The following TYW1B variants were observed in gnomAD, a reference collection of about 807,000 sequenced individuals.
The protein encoded by TYW1B is S-adenosyl-L-methionine-dependent tRNA 4-demethylwyosine synthase TYW1B.
A neutral mutation model predicts 86.9 loss-of-function variants in TYW1B; 73 were observed. The ratio of observed to expected loss-of-function variants is 0.84; its 90% confidence interval spans 0.70 to 1.02. The LOEUF is 1.02. Ranked by LOEUF, TYW1B falls within the 50% of genes least tolerant of loss-of-function variation. The pLI is 0.00. For synonymous variants in TYW1B, 248 were observed against 292.8 expected (o/e 0.85, Z 1.56); for missense variants, 637 against 827.4 (o/e 0.77, Z 2.82).
At chr7:72,771,934 C>T (rs1787875469) in intron 7 of TYW1B, among the ~76,000 whole-genome samples, 1 of 151,718 alleles carries the variant, frequency 6.6e-6, no homozygotes, top group Admixed American at 6.6e-5. Flanking sequence ...GCAACCTCTG[C>T]CTCCCGGGTT....
Position 72,810,736 on chromosome 7 carries a change from A to C in TYW1B, c.238-71T>G, listed in dbSNP as rs1449616032. ...TTATCTCAACGAAGAAAATCCTTTGAAAAAAAGCATACTCATCTCAAAGAA... is the reference window on the plus strand; with the variant it reads ...TTATCTCAACGAAGAAAATCCTTTGCAAAAAAGCATACTCATCTCAAAGAA... On this transcript the variant is annotated intron_variant, in intron 3 of 13. Transcript: ENST00000620995. The C allele has an allele frequency of 5.3e-6, 8 of 1,511,148 alleles. No homozygotes were observed. The East Asian group carries it at 1.9e-4, about 36-fold the overall frequency. The allele number at this position is 1,511,148 out of a possible 1,614,324, so 93.6% of individuals were successfully genotyped here.
chr7:72,618,227 ATTTTTTTTT>A (rs869158136), intron 12 of TYW1B, among the ~76,000 whole-genome samples: 165 of 103,942 alleles, frequency 1.6e-3, no homozygotes, highest in African/African-American at 4.5e-3. Context: ...ATGACACTGA[ATTTTTTTTT>A]TTTTTTTTTT....
chr7:72,646,495 C>G (rs558086389), intron 11 of TYW1B, among the ~76,000 whole-genome samples: 1 of 152,110 alleles, frequency 6.6e-6, no homozygotes, highest in Non-Finnish European at 1.5e-5. Flanking sequence ...CCTCAGCCCC[C>G]CAAGCAGCTG....
chr7:72,820,161 G>T (rs1788801793), intron 2 of TYW1B, among the ~76,000 whole-genome samples: 1 of 152,098 alleles, frequency 6.6e-6, no homozygotes, highest in Non-Finnish European at 1.5e-5. Flanking sequence ...TGTAGTCCCA[G>T]CTACTCGGGA....
chr7:72,781,193 C>A (rs1788043859), intron 6 of TYW1B, among the ~76,000 whole-genome samples: 1 of 151,958 alleles, frequency 6.6e-6, no homozygotes. Flanking sequence ...ACCCAGTGTG[C>A]CCAACGCGTG....
At chr7:72,633,208 T>C (rs530335859) in intron 11 of TYW1B, among the ~76,000 whole-genome samples, 2 of 152,352 alleles carry the variant, frequency 1.3e-5, no homozygotes, top group East Asian at 3.9e-4. Context: ...AATTTGCATG[T>C]AAATATGTGC....
chr7:72,669,539 G>A (rs1813544523), intron 11 of TYW1B, among the ~76,000 whole-genome samples: 1 of 152,020 alleles, frequency 6.6e-6, no homozygotes, highest in Admixed American at 6.6e-5. Flanking sequence ...GCCTAGGTGG[G>A]CAGATCATTT....
chr7:72,796,506 G>T lies in TYW1B; in HGVS notation c.846+5894C>A, dbSNP rs1445608896. On this transcript the variant is annotated intron_variant, in intron 6 of 13. Coordinates refer to ENST00000620995, the MANE Select transcript of TYW1B (RefSeq NM_001145440.3). ...CCACCTCGGTCTCCCAAAGTGCTGG[G>T]ATTACAGGCATGAGCCACCGCGCCA... is the stretch of plus-strand genomic sequence containing the variant. Among the ~76,000 whole-genome samples, 9 of 151,388 alleles carry T rather than the reference G, an allele frequency of 5.9e-5. No individual in the cohort carries two copies. The Admixed American group carries it at 6.0e-4, about 10-fold the overall frequency.
At chr7:72,606,080 G>A (rs1554434793) in intron 13 of TYW1B, among the ~76,000 whole-genome samples, 1 of 152,126 alleles carries the variant, frequency 6.6e-6, no homozygotes, top group Admixed American at 6.5e-5. Flanking sequence ...CACTGGCTAG[G>A]GGCCTTGGGA....
Position 72,793,352 on chromosome 7 carries a change from A to C in TYW1B, c.846+9048T>G, listed in dbSNP as rs1190637098. On this transcript the variant is annotated intron_variant, in intron 6 of 13. Coordinates refer to ENST00000620995, the MANE Select transcript of TYW1B (RefSeq NM_001145440.3). The stretch of plus-strand genomic sequence containing the variant: ...ACTCCATCTCAAAAAAAAATAAAAA[A>C]TAAAAATAAATTAATTAATTAAATG... 3.3e-5 allele frequency among the ~76,000 whole-genome samples: 5 copies of C among 152,084 alleles called. No individual in the cohort carries two copies. The East Asian group carries it at 9.6e-4, about 29-fold the overall frequency.
At chr7:72,721,896 C>A (rs1319017972) in intron 9 of TYW1B, among the ~76,000 whole-genome samples, 1 of 152,108 alleles carries the variant, frequency 6.6e-6, no homozygotes, top group Non-Finnish European at 1.5e-5. Context: ...AACTTAAGAT[C>A]CTAAAATTTT....
At chr7:72,608,871 T>A (rs1811862498) in intron 13 of TYW1B, among the ~76,000 whole-genome samples, 1 of 152,154 alleles carries the variant, frequency 6.6e-6, no homozygotes, top group Non-Finnish European at 1.5e-5. Flanking sequence ...ATGAGAAAGA[T>A]CTTTGTGGTG....
intron 13 of TYW1B, among the ~76,000 whole-genome samples, chr7:72,597,784 T>G (rs1462838552): frequency 6.6e-6 from 1 of 152,016 alleles, no homozygotes; most frequent in Non-Finnish European, 1.5e-5. Flanking sequence ...AAAAAATGAT[T>G]CAAGGAGAAA....
At chr7:72,814,147 A>G (rs1554478932) in intron 3 of TYW1B, among the ~76,000 whole-genome samples, 1 of 152,064 alleles carries the variant, frequency 6.6e-6, no homozygotes, top group Non-Finnish European at 1.5e-5. Context: ...AGCATAGCAC[A>G]CTGCCATCAA....
chr7:72,636,290 T>A (rs1812666727), intron 11 of TYW1B, among the ~76,000 whole-genome samples: 1 of 152,210 alleles, frequency 6.6e-6, no homozygotes, highest in Non-Finnish European at 1.5e-5. Context: ...TTTTGTAAGC[T>A]GACTGTGTAT....
intron 3 of TYW1B, among the ~76,000 whole-genome samples, chr7:72,814,562 T>C (rs1237894525): frequency 4.6e-5 from 7 of 151,154 alleles, no homozygotes; most frequent in Non-Finnish European, 1.0e-4. Flanking sequence ...CCAGCCTGGG[T>C]GACAGAGCGA....
At position 72,575,282 on chromosome 7, in the gene TYW1B, G is replaced by C. The variant is rs1432110792; in HGVS notation, c.*216C>G. On this transcript the variant is annotated 3_prime_UTR_variant, in exon 14 of 14. Coordinates refer to ENST00000620995, the MANE Select transcript of TYW1B (RefSeq NM_001145440.3). ...ATTTTCCTCTTAGAAGTAAAATCAGGAAAGGGGCTGAGTTCTGAAAAGAAA... is the reference window on the plus strand; with the variant it reads ...ATTTTCCTCTTAGAAGTAAAATCAGCAAAGGGGCTGAGTTCTGAAAAGAAA... 1.6e-5 allele frequency: 22 copies of C among 1,383,056 alleles called. No individual in the cohort carries two copies. The highest frequency in any genetic ancestry group is 2.0e-5 in the Non-Finnish European group (21 of 1,067,302). The allele number at this position is 1,383,056 out of a possible 1,614,324, so 85.7% of individuals were successfully genotyped here. A position where few individuals can be genotyped will look rare whatever the true frequency, so the allele number is the denominator to read the frequency against.
At chr7:72,819,481 G>A (rs782137695) in intron 2 of TYW1B, among the ~76,000 whole-genome samples, 1 of 152,164 alleles carries the variant, frequency 6.6e-6, no homozygotes, top group Admixed American at 6.6e-5. Flanking sequence ...CGCCCAGGCT[G>A]AAGTGCAGTG....
chr7:72,594,875 C>CA (rs1468264089), intron 13 of TYW1B, among the ~76,000 whole-genome samples: 2 of 152,226 alleles, frequency 1.3e-5, no homozygotes, highest in Admixed American at 1.3e-4. Context: ...GAATGAAGGA[C>CA]AAAAACCACA....
Sources: allele counts gnomAD v4.1 joint callset (sites outside exome capture counted in the v4.1 genomes callset), GRCh38; gene constraint gnomAD v4.1.1; transcripts MANE v1.5; gene names NCBI Gene and HGNC (gene_info 2026-07-23, HGNC 2026-07-21).